Variants in MARCHF8 observed in about 807,000 individuals in gnomAD.
MARCHF8 encodes the protein membrane associated ring-CH-type finger 8, also known as E3 ubiquitin-protein ligase MARCHF8.
In MARCHF8, 40 loss-of-function variants were observed where a neutral mutation model predicts 51.6. The observed-to-expected ratio is 0.77, with a 90% CI of 0.60 to 1.01. The LOEUF (loss-of-function observed/expected upper bound fraction) is 1.01, where lower values mean the gene tolerates loss of function less well. Ranked by LOEUF, MARCHF8 falls within the 50% of genes least tolerant of loss-of-function variation. The pLI is 0.00. For missense variants in MARCHF8, 685 were observed against 708.6 expected (o/e 0.97, Z 0.38); for synonymous variants, 263 against 280.3 (o/e 0.94, Z 0.62).
chr10:45,561,123 A>G (rs1362072482), intron 1 of MARCHF8, among the ~76,000 whole-genome samples: 7 of 152,146 alleles, frequency 4.6e-5, no homozygotes, highest in Non-Finnish European at 1.0e-4. Context: ...AAATCTGTCA[A>G]AAAGGGAATA....
chr10:45,481,610 T>C (rs2042888409), intron 3 of MARCHF8, among the ~76,000 whole-genome samples: 1 of 152,214 alleles, frequency 6.6e-6, no homozygotes, highest in Middle Eastern at 3.2e-3. Context: ...TTGGTTCTCA[T>C]TTCTCCCTTG....
At chr10:45,479,363 T>TTA (rs2042844381) in intron 3 of MARCHF8, among the ~76,000 whole-genome samples, 1 of 152,172 alleles carries the variant, frequency 6.6e-6, no homozygotes, top group African/African-American at 2.4e-5. Context: ...AAAGGCTATA[T>TTA]ATGACAAACC....
intron 2 of MARCHF8, among the ~76,000 whole-genome samples, chr10:45,519,766 T>A (rs999698186): frequency 6.6e-6 from 1 of 152,058 alleles, no homozygotes; most frequent in Non-Finnish European, 1.5e-5. Context: ...TGCCAGCCCC[T>A]GACCTACACG....
chr10:45,506,440 T>C (rs970431190), intron 2 of MARCHF8, among the ~76,000 whole-genome samples: 1 of 152,198 alleles, frequency 6.6e-6, no homozygotes. Flanking sequence ...AAAAGGTAAA[T>C]TTGTGTTCAA....
At chr10:45,589,224 T>C (rs989813430) in intron 1 of MARCHF8, among the ~76,000 whole-genome samples, 8 of 152,094 alleles carry the variant, frequency 5.3e-5, no homozygotes, top group Non-Finnish European at 8.8e-5. Flanking sequence ...AGCTGGGTAC[T>C]TCTGGGTCAA....
chr10:45,538,757 G>A (rs1359007117), upstream of MARCHF8, among the ~76,000 whole-genome samples: 8 of 152,186 alleles, frequency 5.3e-5, no homozygotes, highest in Non-Finnish European at 1.0e-4. Flanking sequence ...AATTCAACAA[G>A]AAGAGCTAAC....
intron 1 of MARCHF8, among the ~76,000 whole-genome samples, chr10:45,573,145 A>G (rs2044450788): frequency 6.6e-6 from 1 of 152,152 alleles, no homozygotes; most frequent in South Asian, 2.1e-4. Flanking sequence ...CCCATTTAGC[A>G]GCAACCCTTA....
At chr10:45,555,108 A>T (rs2044237268) in intron 1 of MARCHF8, among the ~76,000 whole-genome samples, 1 of 151,990 alleles carries the variant, frequency 6.6e-6, no homozygotes, top group Non-Finnish European at 1.5e-5. Flanking sequence ...GCATGCCTGT[A>T]ATCACAGCTA....
At chr10:45,546,974 G>C (rs990773792) in intron 1 of MARCHF8, among the ~76,000 whole-genome samples, 9 of 152,090 alleles carry the variant, frequency 5.9e-5, no homozygotes, top group African/African-American at 2.2e-4. Flanking sequence ...TGTAGTCCCA[G>C]CTACTTGGGA....
rs764865107 is a variant in MARCHF8, at chr10:45,464,290, A to C, written c.191T>G (p.Val64Gly). 2.8e-5 allele frequency: 46 copies of C among 1,614,200 alleles called. No individual in the cohort carries two copies. The highest frequency in any genetic ancestry group is 3.8e-5 in the Non-Finnish European group (45 of 1,180,032). Residue 64 changes from valine (V) to glycine (G), a missense_variant, in exon 4 of 8, where the codon GTG becomes GGG. Coordinates refer to ENST00000453424, the MANE Select transcript of MARCHF8 (RefSeq NM_001282866.2). ...SPPSASAPAPVSSFSRTSITP... is the reference protein window; with the variant it reads ...SPPSASAPAPGSSFSRTSITP... The stretch of plus-strand genomic sequence containing the variant: ...GATAGAAGTGCGAGAGAAGGAGGAC[A>C]CCGGAGCCGGAGCTGATGCTGACGG...
At chr10:45,558,087 A>G (rs151100109) in intron 1 of MARCHF8, among the ~76,000 whole-genome samples, 125 of 152,334 alleles carry the variant, frequency 8.2e-4, no homozygotes, top group African/African-American at 2.8e-3. Flanking sequence ...ATGAACGCTT[A>G]GTCAATCACT....
At chr10:45,547,951 G>A (rs2044147639) in intron 1 of MARCHF8, among the ~76,000 whole-genome samples, 1 of 152,216 alleles carries the variant, frequency 6.6e-6, no homozygotes, top group African/African-American at 2.4e-5. Flanking sequence ...ATATTTAACT[G>A]TAGCATTTTG....
chr10:45,481,491 C>G (rs2042886499), intron 3 of MARCHF8, among the ~76,000 whole-genome samples: 1 of 152,144 alleles, frequency 6.6e-6, no homozygotes, highest in South Asian at 2.1e-4. Context: ...GTGGGAGGGA[C>G]CCAGTGGGGG....
intron 2 of MARCHF8, among the ~76,000 whole-genome samples, chr10:45,496,731 G>T (rs2043181202): frequency 6.6e-6 from 1 of 151,390 alleles, no homozygotes; most frequent in African/African-American, 2.4e-5. Context: ...TGTCTTACAG[G>T]AATTAAATCA....
At position 45,463,354 on chromosome 10, in the gene MARCHF8, C is replaced by T; in HGVS notation, c.885G>A (p.Gly295=). Residue 295 remains glycine, a synonymous_variant, in exon 5 of 8, where the codon GGG becomes GGA. Transcript: ENST00000453424. The stretch of plus-strand genomic sequence containing the variant: ...AGCAGAAGCCCATACTCCCTGCCAG[C>T]CCGCTGGAGGACTTGGCAGTGTGCA... ...ARLHTAKSSS[G]LAGSMGFCSD... is the part of the protein sequence containing the mutation. 6.4e-7 allele frequency: 1 copy of T among 1,550,826 alleles called. No homozygotes were observed. Among genetic ancestry groups the T allele is most frequent in the Non-Finnish European group, 8.7e-7 (1 of 1,147,040 alleles).
intron 3 of MARCHF8, among the ~76,000 whole-genome samples, chr10:45,487,650 T>C (rs915587114): frequency 6.6e-6 from 1 of 152,142 alleles, no homozygotes; most frequent in Admixed American, 6.5e-5. Context: ...AAAAAATATT[T>C]TGTGAAAGGC....
chr10:45,470,923 T>C (rs1025301833), intron 3 of MARCHF8, among the ~76,000 whole-genome samples: 1 of 152,242 alleles, frequency 6.6e-6, no homozygotes, highest in African/African-American at 2.4e-5. Flanking sequence ...TACCCAGTTG[T>C]ATTCAACTTC....
At chr10:45,581,151 T>C (rs1470518677) in intron 1 of MARCHF8, among the ~76,000 whole-genome samples, 4 of 152,162 alleles carry the variant, frequency 2.6e-5, no homozygotes, top group Non-Finnish European at 5.9e-5. Flanking sequence ...CAGGGGATTT[T>C]GCCAGTGTCT....
intron 3 of MARCHF8, among the ~76,000 whole-genome samples, chr10:45,465,633 C>T (rs1842942125): frequency 6.6e-6 from 1 of 152,208 alleles, no homozygotes; most frequent in African/African-American, 2.4e-5. Flanking sequence ...CGGATTAAGG[C>T]ACCCATCGCA....
Sources: allele counts gnomAD v4.1 joint callset (sites outside exome capture counted in the v4.1 genomes callset), GRCh38; gene constraint gnomAD v4.1.1; transcripts MANE v1.5; gene names NCBI Gene and HGNC (gene_info 2026-07-23, HGNC 2026-07-21).